EYS: variants seen among roughly 807,000 people sequenced by gnomAD.
EYS encodes protein eyes shut homolog.
EYS carries 250 observed loss-of-function variants against 282.1 expected under a neutral mutation model. That is an observed-to-expected ratio of 0.89 (90% CI 0.80 to 0.98). EYS has a LOEUF of 0.98. Ranked by LOEUF, EYS falls within the 50% of genes least tolerant of loss-of-function variation. The pLI is 0.00. For missense variants in EYS, 4,016 were observed against 3,709.0 expected, an observed-to-expected ratio of 1.08 and a Z score of -2.15; for synonymous variants, 1,355 against 1,282.9, an observed-to-expected ratio of 1.06 and a Z score of -1.20.
At chr6:64,357,634 G>A (rs115101156) in intron 29 of EYS, among the ~76,000 whole-genome samples, 1 of 151,464 alleles carries the variant, frequency 6.6e-6, no homozygotes, top group African/African-American at 2.4e-5. Context: ...TAAGTGTTCT[G>A]ATTCTAGTTA....
intron 33 of EYS, among the ~76,000 whole-genome samples, chr6:64,028,010 T>A (rs1453792751): frequency 6.6e-6 from 1 of 152,252 alleles, no homozygotes; most frequent in Non-Finnish European, 1.5e-5. Flanking sequence ...TAACCAGGTA[T>A]TTCTCCCACC....
At chr6:65,347,811 C>T in intron 9 of EYS, among the ~76,000 whole-genome samples, 1 of 151,506 alleles carries the variant, frequency 6.6e-6, no homozygotes, top group Non-Finnish European at 1.5e-5. Context: ...CTATCAGATA[C>T]TAGATCTTAC....
At chr6:63,764,587 A>G (rs1769736394) in intron 40 of EYS, among the ~76,000 whole-genome samples, 1 of 151,994 alleles carries the variant, frequency 6.6e-6, no homozygotes, top group Admixed American at 6.6e-5. Flanking sequence ...TCACTGCCTT[A>G]TAGACAGAGC....
intron 1 of EYS, among the ~76,000 whole-genome samples, chr6:65,677,210 C>A (rs1227185975): frequency 6.7e-6 from 1 of 150,312 alleles, no homozygotes. Flanking sequence ...TACCAGAAGT[C>A]CTAGCTAGAG....
At chr6:64,895,777 A>G (rs1188088408) in intron 18 of EYS, among the ~76,000 whole-genome samples, 21 of 152,148 alleles carry the variant, frequency 1.4e-4, no homozygotes, top group Admixed American at 1.4e-3. Context: ...TAAGTGTGCA[A>G]AGAATGAGAT....
At chr6:64,971,507 A>T (rs548303379) in intron 14 of EYS, among the ~76,000 whole-genome samples, 58 of 152,302 alleles carry the variant, frequency 3.8e-4, no homozygotes, top group South Asian at 3.1e-3. Context: ...GTTGTAAAAC[A>T]TGAAGGCCTG....
chr6:64,686,767 G>GTATA (rs556168281), intron 22 of EYS, among the ~76,000 whole-genome samples: 7 of 17,754 alleles, frequency 3.9e-4, no homozygotes, highest in African/African-American at 8.2e-4. Flanking sequence ...ATATATGTGT[G>GTATA]TATATATATA....
At chr6:64,663,454 C>T (rs1769116005) in intron 22 of EYS, among the ~76,000 whole-genome samples, 1 of 152,134 alleles carries the variant, frequency 6.6e-6, no homozygotes, top group African/African-American at 2.4e-5. Flanking sequence ...CCCCAAATCT[C>T]AGAGGCTAAA....
intron 41 of EYS, among the ~76,000 whole-genome samples, chr6:63,732,807 A>G (rs2149636015): frequency 6.6e-6 from 1 of 152,348 alleles, no homozygotes; most frequent in Middle Eastern, 3.4e-3. Flanking sequence ...TGTCCGGGAC[A>G]TAACAGTAAA....
At position 64,220,191 on chromosome 6, in the gene EYS, G is replaced by C. The variant is rs1049643563; in HGVS notation, c.6424+10401C>G. ...AAACTTAAAGTAAAAAATTTTAATA[G>C]AAATGTATAGCAGTTTGAGATAACA... is the stretch of plus-strand genomic sequence containing the variant. On this transcript the variant is annotated intron_variant, in intron 31 of 42. Coordinates refer to ENST00000503581, the MANE Select transcript of EYS (RefSeq NM_001142800.2). Among the ~76,000 whole-genome samples, 3 of 152,036 alleles carry C rather than the reference G, an allele frequency of 2.0e-5. No homozygotes were observed. In the South Asian group the frequency reaches 6.2e-4, roughly 32 times the overall value.
At chr6:65,439,640 GCT>G (rs1314942556) in intron 5 of EYS, among the ~76,000 whole-genome samples, 9 of 151,946 alleles carry the variant, frequency 5.9e-5, no homozygotes, top group Non-Finnish European at 1.3e-4. Context: ...TCATGATTTG[GCT>G]CTCTGTTTTT....
chr6:64,043,473 C>T (rs1562170906), intron 33 of EYS, among the ~76,000 whole-genome samples: 1 of 152,250 alleles, frequency 6.6e-6, no homozygotes, highest in African/African-American at 2.4e-5. Context: ...CAGCCACTTC[C>T]CACCATTACT....
At chr6:65,129,905 C>T (rs1775822465) in intron 12 of EYS, among the ~76,000 whole-genome samples, 1 of 151,944 alleles carries the variant, frequency 6.6e-6, no homozygotes, top group African/African-American at 2.4e-5. Flanking sequence ...ATGAAATTAA[C>T]CCAGGGTATA....
intron 2 of EYS, among the ~76,000 whole-genome samples, chr6:65,536,418 G>C (rs1380751076): frequency 6.6e-6 from 1 of 151,720 alleles, no homozygotes; most frequent in Non-Finnish European, 1.5e-5. Context: ...TTTATCAAAT[G>C]GTACTGGGGA....
intron 28 of EYS, among the ~76,000 whole-genome samples, chr6:64,391,152 G>C (rs1225174836): frequency 2.6e-5 from 4 of 152,246 alleles, no homozygotes; most frequent in East Asian, 1.9e-4. Flanking sequence ...CGACTGATTG[G>C]TGTACCTGAA....
At chr6:64,546,053 C>T (rs1446846993) in intron 26 of EYS, among the ~76,000 whole-genome samples, 10 of 152,098 alleles carry the variant, frequency 6.6e-5, no homozygotes, top group Non-Finnish European at 1.0e-4. Flanking sequence ...AAAATGAGCC[C>T]GCATTGCCAA....
At chr6:63,768,573 A>G (rs1158005183) in intron 40 of EYS, among the ~76,000 whole-genome samples, 1 of 152,082 alleles carries the variant, frequency 6.6e-6, no homozygotes. Context: ...TGTAAAAAAA[A>G]TGACAGCCAT....
chr6:64,415,181 C>A (rs1011068206), intron 28 of EYS, among the ~76,000 whole-genome samples: 1 of 152,168 alleles, frequency 6.6e-6, no homozygotes, highest in Non-Finnish European at 1.5e-5. Context: ...TGGATTGTAG[C>A]ACCTTTAGCA....
chr6:64,537,044 A>C (rs76467902), intron 26 of EYS, among the ~76,000 whole-genome samples: 11 of 146,726 alleles, frequency 7.5e-5, no homozygotes, highest in Non-Finnish European at 7.6e-5. Flanking sequence ...TTTAGGGTAC[A>C]TGTGCACAAT....
Sources: allele counts gnomAD v4.1 joint callset (sites outside exome capture counted in the v4.1 genomes callset), GRCh38; gene constraint gnomAD v4.1.1; transcripts MANE v1.5; gene names NCBI Gene and HGNC (gene_info 2026-07-23, HGNC 2026-07-21).